Variants in ROBO2 observed in about 807,000 individuals in gnomAD.
The protein encoded by ROBO2 is roundabout homolog 2.
Under a neutral mutation model 160.8 loss-of-function variants are expected in ROBO2, and 53 were observed. The observed-to-expected ratio is 0.33, with a 90% CI of 0.26 to 0.41. ROBO2 has a LOEUF of 0.41. Among genes scored for constraint, ROBO2 ranks in the 10% least tolerant of loss-of-function variants. ROBO2 has a pLI of 1.00. For missense variants in ROBO2, 1,577 were observed against 1,722.4 expected (o/e 0.92, Z 1.49); for synonymous variants, 664 against 611.7 (o/e 1.09, Z -1.26).
At chr3:77,013,421 A>C (rs1245886021) in intron 2 of ROBO2, among the ~76,000 whole-genome samples, 1 of 152,172 alleles carries the variant, frequency 6.6e-6, no homozygotes, top group Non-Finnish European at 1.5e-5. Flanking sequence ...GAAGGCAAAC[A>C]TAACTTTGAT....
chr3:76,892,263 C>T (rs765574370), intron 2 of ROBO2, among the ~76,000 whole-genome samples: 13 of 150,378 alleles, frequency 8.6e-5, no homozygotes, highest in Non-Finnish European at 1.5e-4. Flanking sequence ...GAACTAACTG[C>T]CTAGGCAGCT....
At chr3:76,450,609 C>A (rs926318454) in intron 2 of ROBO2, among the ~76,000 whole-genome samples, 1 of 152,084 alleles carries the variant, frequency 6.6e-6, no homozygotes. Flanking sequence ...TGCCACTGCA[C>A]CCTGCTCATG....
chr3:77,376,174 T>TG (rs2072631968), intron 2 of ROBO2, among the ~76,000 whole-genome samples: 2 of 149,190 alleles, frequency 1.3e-5, no homozygotes, highest in Non-Finnish European at 3.0e-5. Flanking sequence ...TTTTTTTTTT[T>TG]GACAGAGTCT....
intron 2 of ROBO2, among the ~76,000 whole-genome samples, chr3:76,416,875 T>G (rs2075779105): frequency 6.6e-6 from 1 of 152,306 alleles, no homozygotes; most frequent in South Asian, 2.1e-4. Flanking sequence ...TCTACAGAGT[T>G]TTATGAGCTA....
At chr3:76,303,889 C>T (rs141804239) in intron 2 of ROBO2, among the ~76,000 whole-genome samples, 1,910 of 152,164 alleles carry the variant, frequency 0.013, 34 homozygotes, top group African/African-American at 0.044. Context: ...ATGTGCAACC[C>T]GGTGATACTC....
At chr3:76,434,131 A>T (rs1577157317) in intron 2 of ROBO2, 1 of 1,223,492 alleles carries the variant, frequency 8.2e-7, no homozygotes, top group East Asian at 2.3e-5. Context: ...CCATATGTGC[A>T]AGCATTTGAC....
intron 2 of ROBO2, among the ~76,000 whole-genome samples, chr3:76,617,220 C>T (rs2088657899): frequency 6.6e-6 from 1 of 152,048 alleles, no homozygotes; most frequent in South Asian, 2.1e-4. Context: ...GAAAAGGGCC[C>T]ATCCTTTCTT....
chr3:76,707,061 T>G (rs1329162234), intron 2 of ROBO2, among the ~76,000 whole-genome samples: 1 of 152,070 alleles, frequency 6.6e-6, no homozygotes, highest in Admixed American at 6.6e-5. Context: ...TATATATACA[T>G]ATTTTCTGTG....
chr3:76,355,887 C>T (rs899429874), intron 2 of ROBO2, among the ~76,000 whole-genome samples: 1 of 151,690 alleles, frequency 6.6e-6, no homozygotes, highest in Non-Finnish European at 1.5e-5. Flanking sequence ...TACAACAAAG[C>T]ACACTTGGAG....
chr3:77,232,245 A>G (rs1460576190), intron 2 of ROBO2, among the ~76,000 whole-genome samples: 4 of 152,146 alleles, frequency 2.6e-5, no homozygotes, highest in African/African-American at 9.6e-5. Context: ...ATTCTATGGG[A>G]AAGTATTATA....
chr3:76,991,586 A>G (rs748071842), intron 2 of ROBO2, among the ~76,000 whole-genome samples: 22 of 152,204 alleles, frequency 1.4e-4, no homozygotes, highest in African/African-American at 2.2e-4. Context: ...TTAAGTTTTG[A>G]GGACTTTCAT....
chr3:77,619,485 G>C (rs574110478), intron 22 of ROBO2, among the ~76,000 whole-genome samples: 1 of 152,258 alleles, frequency 6.6e-6, no homozygotes, highest in African/African-American at 2.4e-5. Context: ...CAAAAGTAGA[G>C]CTTCCAGTTG....
rs868192899 is a variant in ROBO2 at position 76,272,839 on chromosome 3, A to T, written c.109+335237A>T. 1.0e-3 allele frequency among the ~76,000 whole-genome samples: 34 copies of T among 34,170 alleles called. 2 individuals are homozygous for T. Among genetic ancestry groups the T allele is most frequent in the Admixed American group, 3.9e-3 (8 of 2,028 alleles). 22.4% of individuals were successfully genotyped at this position (34,170 alleles called of 152,430 possible). ...ATGTATTTATATATAAAATATATAT[A>T]TTATATATTATATATAAAATATATA... On this transcript the variant is annotated intron_variant, in intron 2 of 26. Coordinates refer to the ROBO2 transcript ENST00000487694.
intron 2 of ROBO2, among the ~76,000 whole-genome samples, chr3:76,459,684 C>T (rs1196127958): frequency 6.6e-6 from 1 of 152,114 alleles, no homozygotes; most frequent in East Asian, 1.9e-4. Context: ...AAGACATATA[C>T]TCCACTGATC....
At chr3:75,983,673 A>G (rs556590274) in intron 2 of ROBO2, among the ~76,000 whole-genome samples, 1 of 151,454 alleles carries the variant, frequency 6.6e-6, no homozygotes, top group East Asian at 1.9e-4. Context: ...GATCCTGACC[A>G]GTCTCAGTGA....
At chr3:77,375,333 AT>A (rs1553928221) in intron 2 of ROBO2, among the ~76,000 whole-genome samples, 5 of 152,140 alleles carry the variant, frequency 3.3e-5, no homozygotes, top group Admixed American at 3.3e-4. Context: ...TTTCTCATTT[AT>A]TTTTTCTGTC....
intron 2 of ROBO2, among the ~76,000 whole-genome samples, chr3:77,350,109 A>AT (rs1553918910): frequency 5.7e-4 from 86 of 150,132 alleles, no homozygotes; most frequent in Non-Finnish European, 1.2e-3. Flanking sequence ...ATATATATAT[A>AT]ATATATATAT....
intron 2 of ROBO2, among the ~76,000 whole-genome samples, chr3:76,612,101 A>T (rs1243813087): frequency 1.3e-5 from 2 of 152,152 alleles, no homozygotes; most frequent in Non-Finnish European, 1.5e-5. Context: ...GTTTTATTCT[A>T]TTGTGGTCAA....
At chr3:77,574,711 G>T (rs537258385) in exon 14 of ROBO2, 1 of 1,612,384 alleles carries the variant, frequency 6.2e-7, no homozygotes, top group South Asian at 1.1e-5. Context: ...AATCTAAAAC[G>T]GTTCGTACTA....
Sources: allele counts gnomAD v4.1 joint callset (sites outside exome capture counted in the v4.1 genomes callset), GRCh38; gene constraint gnomAD v4.1.1; transcripts MANE v1.5; gene names NCBI Gene and HGNC (gene_info 2026-07-23, HGNC 2026-07-21).